The following SLC38A11 variants were observed in gnomAD, a reference collection of about 807,000 sequenced individuals.
SLC38A11 encodes putative sodium-coupled neutral amino acid transporter 11.
SLC38A11 carries 51 observed loss-of-function variants against 49.4 expected under a neutral mutation model. The ratio of observed to expected loss-of-function variants is 1.03; its 90% CI spans 0.83 to 1.30. The LOEUF (loss-of-function observed/expected upper bound fraction) is 1.30. Ranked by LOEUF, SLC38A11 falls within the 50% of genes most tolerant of loss-of-function variation. The pLI is 0.00. For synonymous variants in SLC38A11, 203 were observed against 192.9 expected (o/e 1.05, Z -0.43); for missense variants, 574 against 556.2 (o/e 1.03, Z -0.32).
chr2:164,924,556 C>T (rs1450403892), intron 7 of SLC38A11, among the ~76,000 whole-genome samples: 1 of 151,926 alleles, frequency 6.6e-6, no homozygotes, highest in African/African-American at 2.4e-5. Context: ...TCCTGTACAT[C>T]CTGTAAGAAA....
chr2:164,912,307 T>G (rs1157781638), intron 9 of SLC38A11: 1 of 152,116 alleles, frequency 6.6e-6, no homozygotes, highest in Non-Finnish European at 1.5e-5. Context: ...TTATTTGTTT[T>G]TGGTAGATTT....
At chr2:164,935,218 T>A (rs1372460324) in intron 7 of SLC38A11, among the ~76,000 whole-genome samples, 1 of 151,822 alleles carries the variant, frequency 6.6e-6, no homozygotes, top group Non-Finnish European at 1.5e-5. Context: ...TTGTCCATTG[T>A]TGATTGTGAA....
At chr2:164,907,063 A>T (rs1045642447) in intron 11 of SLC38A11, among the ~76,000 whole-genome samples, 4 of 152,030 alleles carry the variant, frequency 2.6e-5, no homozygotes, top group Non-Finnish European at 1.5e-5. Context: ...TTCTGTAAGG[A>T]TTGTAGAAGA....
intron 7 of SLC38A11, among the ~76,000 whole-genome samples, chr2:164,922,970 G>A (rs982592777): frequency 8.5e-5 from 13 of 152,160 alleles, no homozygotes; most frequent in African/African-American, 3.1e-4. Flanking sequence ...AATAAGCAAT[G>A]GGGAGAGGAT....
intron 6 of SLC38A11, 58 bp from the exon 7 acceptor site, chr2:164,937,487 AT>A: frequency 7.0e-6 from 8 of 1,138,862 alleles, no homozygotes; most frequent in Non-Finnish European, 1.0e-5. Context: ...TTTATTTAAA[AT>A]GTTAAGTCTT....
chr2:164,947,885 C>A (rs1688246364), intron 3 of SLC38A11, among the ~76,000 whole-genome samples: 1 of 152,136 alleles, frequency 6.6e-6, no homozygotes, highest in African/African-American at 2.4e-5. Context: ...GTCTGGAGTA[C>A]TGCAATAACC....
intron 7 of SLC38A11, among the ~76,000 whole-genome samples, chr2:164,930,496 A>C (rs1686925302): frequency 6.6e-6 from 1 of 152,160 alleles, no homozygotes; most frequent in Admixed American, 6.5e-5. Flanking sequence ...CATCAATGCA[A>C]AAATACTCAA....
At chr2:164,949,201 T>C (rs1025224099) in intron 3 of SLC38A11, among the ~76,000 whole-genome samples, 1 of 151,840 alleles carries the variant, frequency 6.6e-6, no homozygotes, top group South Asian at 2.1e-4. Flanking sequence ...TCTAATTTAA[T>C]GTGATAAATG....
intron 7 of SLC38A11, among the ~76,000 whole-genome samples, chr2:164,920,278 T>TAAAAAA: frequency 7.5e-6 from 1 of 133,982 alleles, no homozygotes; most frequent in African/African-American, 2.8e-5. Flanking sequence ...AAGACTCCGT[T>TAAAAAA]AAAAAAAAAA....
chr2:164,944,504 GT>G (rs1276995091), intron 5 of SLC38A11, 64 bp downstream of exon 5: 2 of 672,246 alleles, frequency 3.0e-6, no homozygotes, highest in African/African-American at 1.9e-5. Context: ...TATGAACCAT[GT>G]TAACTATAAA....
chr2:164,952,891 A>C (rs1322611702), intron 2 of SLC38A11, 110 bp from the exon 3 acceptor site: 3 of 747,492 alleles, frequency 4.0e-6, no homozygotes, highest in Non-Finnish European at 6.9e-6. Flanking sequence ...TTATATACTT[A>C]TATGACGTAT....
intron 5 of SLC38A11, 51 bp from the exon 6 acceptor site, chr2:164,939,607 G>A (rs761628273): frequency 2.5e-6 from 3 of 1,187,888 alleles, no homozygotes; most frequent in East Asian, 2.4e-5. Context: ...TAACACATTG[G>A]TGACACACTA....
At chr2:164,948,097 T>C (rs1192713784) in intron 3 of SLC38A11, among the ~76,000 whole-genome samples, 1 of 152,208 alleles carries the variant, frequency 6.6e-6, no homozygotes, top group East Asian at 1.9e-4. Context: ...ATTAGCTGTG[T>C]GACTTTGGGT....
chr2:164,926,559 C>G (rs1049971626), intron 7 of SLC38A11, among the ~76,000 whole-genome samples: 1 of 151,436 alleles, frequency 6.6e-6, no homozygotes, highest in Admixed American at 6.6e-5. Context: ...AAGACACATG[C>G]ACACGTATGT....
At chr2:164,899,299 A>C (rs745636953) in intron 11 of SLC38A11, among the ~76,000 whole-genome samples, 8 of 152,140 alleles carry the variant, frequency 5.3e-5, no homozygotes, top group Non-Finnish European at 1.0e-4. Context: ...CTTTCAAATA[A>C]AAGTAAGCAC....
intron 7 of SLC38A11, among the ~76,000 whole-genome samples, chr2:164,921,829 C>T (rs1199742794): frequency 2.6e-5 from 4 of 152,130 alleles, no homozygotes; most frequent in Non-Finnish European, 5.9e-5. Context: ...AAAATAGGGA[C>T]TGGCTTATAG....
In SLC38A11 at chr2:164,898,657, C is replaced by T. The variant is rs770079307; in HGVS notation, c.1169G>A (p.Arg390Lys). The T allele has an allele frequency of 1.9e-6, 3 of 1,613,416 alleles. No homozygotes were observed. In the East Asian group the frequency reaches 6.7e-5, roughly 36 times the overall value. ...AGACATAATCTTATCGGAGTGTGTC[C>T]TTGGTTCTTCAGACAGTTTCAGATA... ...ACYLKLSEEP[R>K]THSDKIMSCV... is the part of the protein sequence containing the mutation. Residue 390 changes from arginine (R) to lysine (K), a missense_variant, in exon 12 of 12, where the codon AGG becomes AAG. Physicochemically the swap from Arg to Lys is conservative, Grantham distance 26. Transcript: ENST00000685975.
Position 164,954,687 on chromosome 2 carries a change from C to T in SLC38A11, c.98G>A (p.Cys33Tyr). The T allele has an allele frequency of 6.5e-7, 1 of 1,544,486 alleles. No homozygotes were observed. The highest frequency in any genetic ancestry group is 8.7e-7 in the Non-Finnish European group (1 of 1,143,268). Residue 33 changes from cysteine to tyrosine, a missense_variant, in exon 2 of 12, where the codon TGT (cysteine) becomes TAT (tyrosine). By Grantham distance (194) the Cys-to-Tyr change is radical. Transcript: ENST00000685975. ...AACATTAAAAAGAGCAGCAGACTGA[C>T]AGGTTTTCTCTTTATACTCATGTTC... is the stretch of plus-strand genomic sequence containing the variant. ...VSEHEYKEKT[C>Y]QSAALFNVVN...
chr2:164,899,228 G>C (rs189271406), intron 11 of SLC38A11, among the ~76,000 whole-genome samples: 4 of 152,104 alleles, frequency 2.6e-5, no homozygotes, highest in African/African-American at 9.7e-5. Flanking sequence ...GTGCCTATCT[G>C]TGTGAGAAAG....
Sources: gnomAD v4.1 joint callset for allele counts (sites outside exome capture counted in the v4.1 genomes callset) on GRCh38, gnomAD v4.1.1 for gene constraint, MANE v1.5 for transcripts, NCBI Gene and HGNC (gene_info 2026-07-23, HGNC 2026-07-21) for gene names.